The following EPM2A variants were observed in gnomAD, a reference collection of about 807,000 sequenced individuals.
EPM2A encodes EPM2A glucan phosphatase, laforin, also known as laforin.
A neutral mutation model predicts 26.5 loss-of-function variants in EPM2A; 21 were observed. The observed-to-expected ratio is 0.79, with a 90% confidence interval of 0.56 to 1.14. The LOEUF is 1.14. EPM2A is among the 50% of genes most tolerant of loss of function. EPM2A has a pLI of 0.00. For synonymous variants in EPM2A, 217 were observed against 177.6 expected (o/e 1.22, Z -1.76); for missense variants, 458 against 440.8 (o/e 1.04, Z -0.35).
chr6:145,402,248 T>C (rs1055358603), intron 4 of EPM2A, among the ~76,000 whole-genome samples: 4 of 152,088 alleles, frequency 2.6e-5, no homozygotes, highest in African/African-American at 7.2e-5. Flanking sequence ...GCTGAGGACA[T>C]AGCATGACTT....
chr6:145,593,175 A>G (rs1389225003), intron 2 of EPM2A, among the ~76,000 whole-genome samples: 2 of 152,146 alleles, frequency 1.3e-5, no homozygotes, highest in Non-Finnish European at 2.9e-5. Flanking sequence ...AACAAAGCAA[A>G]CTTCAGAACA....
chr6:145,537,130 G>A (rs1043106574), intron 2 of EPM2A, among the ~76,000 whole-genome samples: 4 of 152,152 alleles, frequency 2.6e-5, no homozygotes, highest in African/African-American at 7.2e-5. Context: ...TTATTGTTTG[G>A]CATCCTGGAT....
Position 145,626,987 on chromosome 6 carries a change from G to T in EPM2A, c.*429C>A. 9.3e-7 allele frequency: 1 copy of T among 1,076,256 alleles called. No individual in the cohort carries two copies. The highest frequency in any genetic ancestry group is 1.1e-6 in the Non-Finnish European group (1 of 884,610). 66.7% of individuals were successfully genotyped at this position (1,076,256 alleles called of 1,614,324 possible). On this transcript the variant is annotated 3_prime_UTR_variant, in exon 4 of 4. Transcript: ENST00000367519. Reference sequence around the variant, plus strand: ...TATTTCCTCCTTTGGCAACTGACCAGCTCACGCACACATACTAGTGATGAA... The same window carrying T: ...TATTTCCTCCTTTGGCAACTGACCATCTCACGCACACATACTAGTGATGAA...
intron 2 of EPM2A, among the ~76,000 whole-genome samples, chr6:145,588,169 G>A (rs188461993): frequency 1.3e-5 from 2 of 152,210 alleles, no homozygotes; most frequent in African/African-American, 4.8e-5. Flanking sequence ...ACAGGATTTT[G>A]TAAACCTCAT....
intron 4 of EPM2A, among the ~76,000 whole-genome samples, chr6:145,416,299 C>T (rs908266415): frequency 2.0e-5 from 3 of 149,538 alleles, no homozygotes; most frequent in African/African-American, 2.5e-5. Flanking sequence ...AATTTTCTAA[C>T]GTTTGTGATT....
At chr6:145,598,205 TC>T (rs1458219522) in intron 2 of EPM2A, among the ~76,000 whole-genome samples, 1 of 152,208 alleles carries the variant, frequency 6.6e-6, no homozygotes, top group Non-Finnish European at 1.5e-5. Flanking sequence ...GTATAAGTGT[TC>T]CCTTTTCTCT....
chr6:145,450,683 T>C (rs1316071315), intron 4 of EPM2A, among the ~76,000 whole-genome samples: 3 of 152,210 alleles, frequency 2.0e-5, no homozygotes, highest in African/African-American at 7.2e-5. Context: ...TACTGGTAAC[T>C]GCAGATGCTT....
intron 3 of EPM2A, chr6:145,628,547 G>A (rs1052825838): frequency 6.6e-6 from 1 of 152,160 alleles, no homozygotes; most frequent in Non-Finnish European, 1.5e-5. Context: ...TTGTAAGTTG[G>A]GTTTTTTGTT....
rs189353647 is a variant in EPM2A, at chr6:145,413,343, T to A, written c.556-29246A>T. Reference sequence around the variant, plus strand: ...AGCATTCACAAGGGCCATTAAAGGTTTATGACAACTTTATATGATGAAGAC... The same window carrying A: ...AGCATTCACAAGGGCCATTAAAGGTATATGACAACTTTATATGATGAAGAC... On this transcript the variant is annotated intron_variant, in intron 4 of 4. Coordinates refer to the EPM2A transcript ENST00000638717. Among the ~76,000 whole-genome samples, 26 of 152,306 alleles carry A rather than the reference T, an allele frequency of 1.7e-4. No homozygotes were observed. In the East Asian group the frequency reaches 5.0e-3, roughly 29 times the overall value.
At chr6:145,473,303 C>G (rs1381475681) in intron 4 of EPM2A, among the ~76,000 whole-genome samples, 2 of 149,878 alleles carry the variant, frequency 1.3e-5, no homozygotes, top group South Asian at 2.1e-4. Flanking sequence ...CAGAATCAAT[C>G]AAGCAGAAGA....
Position 145,626,046 on chromosome 6 carries a change from A to G in EPM2A, c.*1370T>C, listed in dbSNP as rs976025456. 1 of 1,148,512 alleles carries G rather than the reference A, an allele frequency of 8.7e-7. No homozygotes were observed. Among genetic ancestry groups the G allele is most frequent in the Admixed American group, 3.8e-5 (1 of 26,386 alleles). The allele number at this position is 1,148,512 out of a possible 1,614,324, so 71.1% of individuals were successfully genotyped here. A position where few individuals can be genotyped will look rare whatever the true frequency, so the allele number is the denominator to read the frequency against. ...CCCCATCTTTATCATGGAGATAATG[A>G]GACCTTCTTCATTGGATATTGTGAA... is the stretch of plus-strand genomic sequence containing the variant. On this transcript the variant is annotated 3_prime_UTR_variant, in exon 4 of 4. Transcript: ENST00000367519.
intron 2 of EPM2A, among the ~76,000 whole-genome samples, chr6:145,522,771 T>A (rs1757141554): frequency 6.6e-6 from 1 of 152,164 alleles, no homozygotes; most frequent in South Asian, 2.1e-4. Context: ...TATTCCTCCC[T>A]CACCTTTTGC....
chr6:145,700,563 A>T (rs1381290236), intron 1 of EPM2A, among the ~76,000 whole-genome samples: 2 of 152,186 alleles, frequency 1.3e-5, no homozygotes, highest in African/African-American at 2.4e-5. Flanking sequence ...CACAAAAAAA[A>T]ACCTATCTTT....
intron 2 of EPM2A, among the ~76,000 whole-genome samples, chr6:145,656,056 T>C (rs1778258337): frequency 6.6e-6 from 1 of 152,152 alleles, no homozygotes; most frequent in Admixed American, 6.5e-5. Flanking sequence ...AAAAATCCAC[T>C]AATATGCAAG....
chr6:145,720,648 T>C (rs1390437849), intron 1 of EPM2A, among the ~76,000 whole-genome samples: 1 of 152,174 alleles, frequency 6.6e-6, no homozygotes, highest in African/African-American at 2.4e-5. Flanking sequence ...AGATAGACTT[T>C]TGCTGACTCC....
intron 1 of EPM2A, among the ~76,000 whole-genome samples, chr6:145,708,118 G>C (rs1379417342): frequency 6.6e-6 from 1 of 152,198 alleles, no homozygotes; most frequent in African/African-American, 2.4e-5. Flanking sequence ...CTTTGAACTT[G>C]AGAGATGATT....
chr6:145,659,414 T>A (rs139341279), intron 2 of EPM2A, among the ~76,000 whole-genome samples: 1 of 152,192 alleles, frequency 6.6e-6, no homozygotes, highest in African/African-American at 2.4e-5. Context: ...AGTATAATTA[T>A]TGAAAAGATT....
chr6:145,414,338 G>T (rs1010361543), intron 4 of EPM2A, among the ~76,000 whole-genome samples: 1 of 151,708 alleles, frequency 6.6e-6, no homozygotes, highest in South Asian at 2.1e-4. Context: ...TCTTGATGCC[G>T]GTTGGTCTCT....
chr6:145,458,541 C>T (rs773717125), intron 4 of EPM2A, among the ~76,000 whole-genome samples: 4 of 152,106 alleles, frequency 2.6e-5, no homozygotes, highest in South Asian at 2.1e-4. Flanking sequence ...CTATAAATCA[C>T]GATGGCAGTT....
Sources: gnomAD v4.1 joint callset for allele counts (sites outside exome capture counted in the v4.1 genomes callset) on GRCh38, gnomAD v4.1.1 for gene constraint, MANE v1.5 for transcripts, NCBI Gene and HGNC (gene_info 2026-07-23, HGNC 2026-07-21) for gene names.